SH3RF3: variants seen among roughly 807,000 people sequenced by gnomAD.
SH3RF3 encodes E3 ubiquitin-protein ligase SH3RF3.
Under a neutral mutation model 66.3 loss-of-function variants are expected in SH3RF3, and 29 were observed. The ratio of observed to expected loss-of-function variants is 0.44; its 90% confidence interval spans 0.33 to 0.60. The LOEUF (loss-of-function observed/expected upper bound fraction) is 0.60. Among genes scored for constraint, SH3RF3 ranks in the 20% least tolerant of loss-of-function variants. SH3RF3 has a pLI of 0.04. For synonymous variants in SH3RF3, 583 were observed against 532.0 expected, an observed-to-expected ratio of 1.10 and a Z score of -1.32; for missense variants, 1,194 against 1,190.9, an observed-to-expected ratio of 1.00 and a Z score of -0.04.
chr2:109,459,562 C>G (rs367926032), intron 8 of SH3RF3, among the ~76,000 whole-genome samples: 2 of 152,104 alleles, frequency 1.3e-5, no homozygotes, highest in Non-Finnish European at 2.9e-5. Flanking sequence ...CTCCTGTATC[C>G]CAGACATGCT....
At chr2:109,375,069 A>G (rs1683350397) in intron 3 of SH3RF3, among the ~76,000 whole-genome samples, 1 of 152,150 alleles carries the variant, frequency 6.6e-6, no homozygotes, top group Non-Finnish European at 1.5e-5. Flanking sequence ...GGACATACGT[A>G]CATTTCCCTC....
chr2:109,345,547 T>C (rs2105549864), intron 1 of SH3RF3, among the ~76,000 whole-genome samples: 1 of 152,284 alleles, frequency 6.6e-6, no homozygotes, highest in Admixed American at 6.5e-5. Context: ...CCCTGACAGA[T>C]AAAGGTTTTT....
At chr2:109,246,557 C>T (rs1445840794) in intron 1 of SH3RF3, among the ~76,000 whole-genome samples, 1 of 152,216 alleles carries the variant, frequency 6.6e-6, no homozygotes, top group Non-Finnish European at 1.5e-5. Flanking sequence ...TCATGCCTAA[C>T]AGGATGGCTG....
In SH3RF3 at chr2:109,129,784, C is replaced by T. The variant is rs1676640459; in HGVS notation, c.244C>T (p.Leu82=). 4 of 1,539,518 alleles carry T rather than the reference C, an allele frequency of 2.6e-6. No homozygotes were observed. The highest frequency in any genetic ancestry group is 1.7e-6 in the Non-Finnish European group (2 of 1,145,454). The change falls in exon 1 of 10, where the codon CTG becomes TTG. Residue 82 remains leucine, a synonymous_variant. Coordinates refer to ENST00000309415, the MANE Select transcript of SH3RF3 (RefSeq NM_001099289.3). ...CCAACACACTTTCTGCCGCCGCTGC[C>T]TGGAGAGCATCGTGTGCTCGCGCCA... ...PCQHTFCRRC[L]ESIVCSRHEL...
chr2:109,171,780 G>A (rs923103351), intron 1 of SH3RF3, among the ~76,000 whole-genome samples: 3 of 152,190 alleles, frequency 2.0e-5, no homozygotes, highest in Admixed American at 2.0e-4. Flanking sequence ...CGTGCATCCC[G>A]GCCACGCTCA....
At chr2:109,346,748 T>G (rs1238339541) in intron 1 of SH3RF3, among the ~76,000 whole-genome samples, 2 of 152,162 alleles carry the variant, frequency 1.3e-5, no homozygotes, top group African/African-American at 4.8e-5. Flanking sequence ...TTGTTTGGAT[T>G]TCAGAGCTAG....
chr2:109,447,248 A>T (rs577467075), intron 7 of SH3RF3, among the ~76,000 whole-genome samples: 11 of 151,768 alleles, frequency 7.2e-5, no homozygotes, highest in African/African-American at 2.7e-4. Flanking sequence ...TAGAAACAGC[A>T]GGCTGCCTAA....
chr2:109,485,011 G>A (rs1678932172), intron 8 of SH3RF3, among the ~76,000 whole-genome samples: 1 of 152,236 alleles, frequency 6.6e-6, no homozygotes, highest in Admixed American at 6.5e-5. Context: ...CCCTTCTGGT[G>A]CTGAAAATAG....
chr2:109,290,182 G>A (rs1198794326), intron 1 of SH3RF3, among the ~76,000 whole-genome samples: 4 of 152,280 alleles, frequency 2.6e-5, no homozygotes, highest in Admixed American at 1.3e-4. Context: ...TTCTTTGTCC[G>A]GGTGGCTTAG....
intron 3 of SH3RF3, among the ~76,000 whole-genome samples, chr2:109,375,490 C>T (rs1683361258): frequency 6.6e-6 from 1 of 152,200 alleles, no homozygotes; most frequent in Non-Finnish European, 1.5e-5. Context: ...TCTAGTCTAG[C>T]GGATGGGACA....
chr2:109,170,059 C>T (rs529268864), intron 1 of SH3RF3, among the ~76,000 whole-genome samples: 1 of 152,270 alleles, frequency 6.6e-6, no homozygotes, highest in African/African-American at 2.4e-5. Context: ...ATAATCATGG[C>T]ATTTTGGCCA....
At chr2:109,196,620 TGCTGC>T (rs940370310) in intron 1 of SH3RF3, among the ~76,000 whole-genome samples, 1 of 152,202 alleles carries the variant, frequency 6.6e-6, no homozygotes, top group Non-Finnish European at 1.5e-5. Flanking sequence ...CTCCGAGTGC[TGCTGC>T]GCTGTGGTTG....
intron 8 of SH3RF3, among the ~76,000 whole-genome samples, chr2:109,460,558 A>G (rs1184930043): frequency 6.6e-6 from 1 of 152,240 alleles, no homozygotes; most frequent in Non-Finnish European, 1.5e-5. Context: ...AAAGAGGCTC[A>G]GTCATTGACT....
chr2:109,492,267 G>C, intron 9 of SH3RF3, among the ~76,000 whole-genome samples: 1 of 152,146 alleles, frequency 6.6e-6, no homozygotes, highest in East Asian at 1.9e-4. Flanking sequence ...ACAGCTCTAA[G>C]ACTACACAAA....
chr2:109,297,366 AAGG>A (rs1401348761), intron 1 of SH3RF3, among the ~76,000 whole-genome samples: 2 of 152,084 alleles, frequency 1.3e-5, no homozygotes, highest in Non-Finnish European at 2.9e-5. Flanking sequence ...AGGGGAAGGG[AAGG>A]AGGAGAGATT....
At chr2:109,346,933 T>G (rs192149405) in intron 1 of SH3RF3, among the ~76,000 whole-genome samples, 1 of 151,424 alleles carries the variant, frequency 6.6e-6, no homozygotes, top group African/African-American at 2.4e-5. Context: ...GGTGGGGGGG[T>G]CTGTGATGGC....
intron 1 of SH3RF3, among the ~76,000 whole-genome samples, chr2:109,205,516 C>T (rs998823129): frequency 1.1e-4 from 17 of 152,170 alleles, no homozygotes; most frequent in Admixed American, 4.6e-4. Flanking sequence ...TCCCAAAGTG[C>T]TGGGATTACA....
At chr2:109,141,988 T>C (rs1676961801) in intron 1 of SH3RF3, among the ~76,000 whole-genome samples, 1 of 151,868 alleles carries the variant, frequency 6.6e-6, no homozygotes. Flanking sequence ...CTCTGGTGTG[T>C]GGCCATCATT....
intron 1 of SH3RF3, among the ~76,000 whole-genome samples, chr2:109,162,355 C>T (rs1677508544): frequency 6.6e-6 from 1 of 152,128 alleles, no homozygotes; most frequent in South Asian, 2.1e-4. Context: ...GAGAGCCGGG[C>T]CTCTCTCATT....
Sources: allele counts gnomAD v4.1 joint callset (sites outside exome capture counted in the v4.1 genomes callset), GRCh38; gene constraint gnomAD v4.1.1; transcripts MANE v1.5; gene names NCBI Gene and HGNC (gene_info 2026-07-23, HGNC 2026-07-21).